The following PHF21A variants were observed in gnomAD, a reference collection of about 807,000 sequenced individuals.
PHF21A encodes PHD finger protein 21A.
In PHF21A, 11 loss-of-function variants were observed where a neutral mutation model predicts 82.5. That is an observed-to-expected ratio of 0.13 (90% CI 0.08 to 0.22). The LOEUF (loss-of-function observed/expected upper bound fraction) is 0.22, where lower values mean the gene tolerates loss of function less well. PHF21A is among the 10% of genes least tolerant of loss of function. The pLI is 1.00. For missense variants in PHF21A, 579 were observed against 837.8 expected (o/e 0.69, Z 3.81); for synonymous variants, 297 against 302.8 (o/e 0.98, Z 0.20).
intron 6 of PHF21A, among the ~76,000 whole-genome samples, chr11:46,042,572 C>T (rs1380195711): frequency 6.6e-6 from 1 of 152,082 alleles, no homozygotes; most frequent in African/African-American, 2.4e-5. Context: ...CTCTCAATCT[C>T]ATCTATGTCT....
rs991807725 is a variant in PHF21A, at chr11:45,933,982, C to T, written c.2032G>A (p.Glu678Lys). The T allele has an allele frequency of 1.9e-6, 3 of 1,569,042 alleles. No homozygotes were observed. The highest frequency in any genetic ancestry group is 1.9e-5 in the Admixed American group (1 of 51,902). The change falls in exon 19 of 19, where the codon GAA becomes AAA. Residue 678 changes from glutamate (E) to lysine (K), a missense_variant. Coordinates refer to ENST00000676320, the MANE Select transcript of PHF21A (RefSeq NM_001352027.3). ...QSCTANCNQG[E>K]ETK is the part of the protein sequence containing the mutation. ...GAGGGGCTCTGTTATTTAGTCTCTT[C>T]CCCCTGGTTACAGTTCGCTGTGCAG...
chr11:45,956,674 AT>A (rs1457253991), intron 10 of PHF21A, among the ~76,000 whole-genome samples: 1 of 152,166 alleles, frequency 6.6e-6, no homozygotes, highest in African/African-American at 2.4e-5. Flanking sequence ...GAAAATAATT[AT>A]ATACAGAAAC....
At chr11:46,074,705 G>A (rs1409238423) in intron 6 of PHF21A, among the ~76,000 whole-genome samples, 5 of 152,274 alleles carry the variant, frequency 3.3e-5, no homozygotes, top group South Asian at 2.1e-4. Flanking sequence ...GTTTTGCCAC[G>A]TTGGCCAGGC....
Position 46,072,184 on chromosome 11 carries a change from T to A in PHF21A, c.153+4570A>T, listed in dbSNP as rs146033545. Among the ~76,000 whole-genome samples, 489 of 152,318 alleles carry A rather than the reference T, an allele frequency of 3.2e-3. 1 individual carries two copies. The highest frequency in any genetic ancestry group is 6.8e-3 in the Middle Eastern group (2 of 294). On this transcript the variant is annotated intron_variant, in intron 6 of 18. Coordinates refer to ENST00000676320, the MANE Select transcript of PHF21A (RefSeq NM_001352027.3). Reference sequence around the variant, plus strand: ...ATGCTAATTATTCCCAGTATTTATTTCCCAATTCTTACTCAGTAATAGTCC... The same window carrying A: ...ATGCTAATTATTCCCAGTATTTATTACCCAATTCTTACTCAGTAATAGTCC...
chr11:45,938,212 G>A lies in PHF21A; in HGVS notation c.1553C>T (p.Pro518Leu). ...SRVYHLDCLD[P>L]PLKTIPKGMW... ...GCCCTTGGGAATTGTTTTCAGAGGG[G>A]GGTCTAAGCAGTCCAAATGATATAC... is the stretch of plus-strand genomic sequence containing the variant. The change falls in exon 16 of 19, where the codon CCC (proline) becomes CTC (leucine). Residue 518 changes from proline (P) to leucine (L), a missense_variant. Pro to Leu is a moderately conservative substitution (Grantham distance 98). This residue lies in a region of PHF21A where 410 missense variants were observed against 642.1 expected (regional missense o/e 0.64). Transcript: ENST00000676320. 1 of 1,606,868 alleles carries A rather than the reference G, an allele frequency of 6.2e-7. No homozygotes were observed. Among genetic ancestry groups the A allele is most frequent in the Non-Finnish European group, 8.5e-7 (1 of 1,176,834 alleles).
chr11:46,026,509 T>G (rs570759319), intron 6 of PHF21A, among the ~76,000 whole-genome samples: 2 of 152,300 alleles, frequency 1.3e-5, no homozygotes, highest in South Asian at 4.1e-4. Context: ...GCATTGAGAC[T>G]TTTTCTCTTG....
chr11:45,971,260 A>C lies in PHF21A; in HGVS notation c.468T>G (p.Ile156Met). 3.7e-6 allele frequency: 6 copies of C among 1,614,136 alleles called. No individual in the cohort carries two copies. Among genetic ancestry groups the C allele is most frequent in the Non-Finnish European group, 5.1e-6 (6 of 1,180,020 alleles). The change falls in exon 8 of 19, where the codon ATT (isoleucine) becomes ATG (methionine). Residue 156 changes from isoleucine to methionine, a missense_variant. Physicochemically the swap from Ile to Met is conservative, Grantham distance 10 (BLOSUM62 1). Coordinates refer to ENST00000676320, the MANE Select transcript of PHF21A (RefSeq NM_001352027.3). ...PASVVGQRPT[I>M]AMVTAINSQK... ...GACTGTTGATGGCGGTCACCATAGC[A>C]ATGGTAGGTCTCTGGCCCACCACAG...
intron 6 of PHF21A, among the ~76,000 whole-genome samples, chr11:45,986,084 A>AACACACACACACACACACACAC (rs60179976): frequency 0.15 from 19,580 of 132,000 alleles, 2,207 homozygotes; most frequent in East Asian, 0.56. Context: ...CTTCCTTCAA[A>AACACACACACACACACACACAC]ACACACACAC....
intron 6 of PHF21A, among the ~76,000 whole-genome samples, chr11:45,995,710 C>G (rs1208292672): frequency 2.0e-5 from 3 of 152,186 alleles, no homozygotes; most frequent in Non-Finnish European, 2.9e-5. Context: ...GACTTTAATA[C>G]TGCAGACTTA....
chr11:45,972,895 G>A (rs950650628), intron 7 of PHF21A, among the ~76,000 whole-genome samples: 1 of 151,264 alleles, frequency 6.6e-6, no homozygotes, highest in African/African-American at 2.4e-5. Context: ...CCTGGTGAGA[G>A]AGCGAGTCTC....
At chr11:46,061,277 G>T (rs1243382133) in intron 6 of PHF21A, among the ~76,000 whole-genome samples, 1 of 152,098 alleles carries the variant, frequency 6.6e-6, no homozygotes, top group Non-Finnish European at 1.5e-5. Context: ...GCTTAGAATT[G>T]CCTTGGCTAT....
intron 1 of PHF21A, among the ~76,000 whole-genome samples, chr11:46,103,407 G>A (rs1402553903): frequency 6.6e-6 from 1 of 152,060 alleles, no homozygotes; most frequent in African/African-American, 2.4e-5. Context: ...TTATTTAATT[G>A]AAAGATAACT....
At chr11:46,118,064 T>C (rs1180698162) in intron 1 of PHF21A, 1 of 152,170 alleles carries the variant, frequency 6.6e-6, no homozygotes, top group Non-Finnish European at 1.5e-5. Context: ...CATTTAGAGA[T>C]CTTCATGTAA....
Position 45,929,417 on chromosome 11 carries a change from A to G in PHF21A, c.*4551T>C, listed in dbSNP as rs935888276. The G allele has an allele frequency of 6.5e-6, 1 of 153,302 alleles. No homozygotes were observed. Among genetic ancestry groups the G allele is most frequent in the Admixed American group, 6.4e-5 (1 of 15,508 alleles). The allele number at this position is 153,302 out of a possible 1,614,324, so 9.5% of individuals were successfully genotyped here. The stretch of plus-strand genomic sequence containing the variant: ...CCCCCCCCACCCCCTCAAAACAAAA[A>G]CCAAACAAACAAAAACAAAAACTTT... On this transcript the variant is annotated 3_prime_UTR_variant, in exon 19 of 19. Transcript: ENST00000676320.
intron 3 of PHF21A, among the ~76,000 whole-genome samples, chr11:46,088,587 C>A (rs2096884166): frequency 6.6e-6 from 1 of 152,188 alleles, no homozygotes; most frequent in Non-Finnish European, 1.5e-5. Context: ...CTACTCTCAT[C>A]CCCAGGGTTC....
At chr11:46,078,768 G>C (rs968348103) in intron 5 of PHF21A, among the ~76,000 whole-genome samples, 2 of 151,924 alleles carry the variant, frequency 1.3e-5, no homozygotes, top group Admixed American at 1.3e-4. Context: ...AAATGGTTTG[G>C]GGTCTCTTTT....
chr11:46,006,858 C>T (rs1046803426), intron 6 of PHF21A, among the ~76,000 whole-genome samples: 1 of 152,130 alleles, frequency 6.6e-6, no homozygotes, highest in Non-Finnish European at 1.5e-5. Context: ...GCACAAAATA[C>T]AAATCAACAG....
chr11:46,059,410 T>C (rs974715674), intron 6 of PHF21A, among the ~76,000 whole-genome samples: 1 of 152,098 alleles, frequency 6.6e-6, no homozygotes, highest in Non-Finnish European at 1.5e-5. Context: ...ATAAGTACAA[T>C]ACCAATCTCA....
intron 14 of PHF21A, among the ~76,000 whole-genome samples, chr11:45,948,408 C>G (rs1180861741): frequency 1.3e-5 from 2 of 152,172 alleles, no homozygotes; most frequent in African/African-American, 4.8e-5. Flanking sequence ...CTCAAAGATT[C>G]TAAGTTCTCA....
Sources: allele counts gnomAD v4.1 joint callset (sites outside exome capture counted in the v4.1 genomes callset), GRCh38; gene constraint gnomAD v4.1.1; regional missense constraint gnomAD v4.1.1; transcripts MANE v1.5; gene names NCBI Gene and HGNC (gene_info 2026-07-23, HGNC 2026-07-21).